Variants in SENP1 observed in about 807,000 individuals in gnomAD.
SENP1 encodes the protein sentrin-specific protease 1.
A neutral mutation model predicts 93.0 loss-of-function variants in SENP1; 21 were observed. The ratio of observed to expected loss-of-function variants is 0.23; its 90% CI spans 0.16 to 0.33. The LOEUF is 0.33. Among genes scored for constraint, SENP1 ranks in the 10% least tolerant of loss-of-function variants. SENP1 has a pLI of 1.00. For missense variants in SENP1, 591 were observed against 758.7 expected (o/e 0.78, Z 2.60); for synonymous variants, 256 against 259.6 (o/e 0.99, Z 0.13).
chr12:48,102,024 C>T (rs1283597432), intron 1 of SENP1, among the ~76,000 whole-genome samples: 1 of 152,140 alleles, frequency 6.6e-6, no homozygotes. Context: ...AAAGTACTTC[C>T]CCCAACATCA....
chr12:48,063,826 T>C lies in SENP1; in HGVS notation c.1291A>G (p.Ile431Val). The C allele has an allele frequency of 1.2e-6, 2 of 1,611,186 alleles. No individual in the cohort carries two copies. The highest frequency in any genetic ancestry group is 1.7e-6 in the Non-Finnish European group (2 of 1,179,050). The change falls in exon 13 of 18, where the codon ATA (isoleucine) becomes GTA (valine). Residue 431 changes from isoleucine (I) to valine (V), a missense_variant. Coordinates refer to ENST00000549518, the MANE Select transcript of SENP1 (RefSeq NM_001267594.2). ...TTCCCATTACGAAATACATTCTTTA[T>C]TTCTTTCTCCATTTCCTAAGAAAAC... ...PEITEEMEKE[I>V]KNVFRNGNQD... is the part of the protein sequence containing the mutation.
At chr12:48,086,121 A>C (rs1013130501) in intron 5 of SENP1, among the ~76,000 whole-genome samples, 1 of 152,246 alleles carries the variant, frequency 6.6e-6, no homozygotes, top group African/African-American at 2.4e-5. Context: ...TACTGAATCC[A>C]TAATGACACT....
intron 1 of SENP1, chr12:48,105,137 T>C (rs772149261): frequency 9.8e-5 from 24 of 245,680 alleles, no homozygotes; most frequent in Admixed American, 3.3e-4. Context: ...AGTCAAATAG[T>C]TGGTAGTAGA....
At chr12:48,069,353 A>C (rs1487232091) in intron 9 of SENP1, among the ~76,000 whole-genome samples, 1 of 152,164 alleles carries the variant, frequency 6.6e-6, no homozygotes, top group Non-Finnish European at 1.5e-5. Context: ...GCAGTAGTGG[A>C]GAATTAAGAG....
chr12:48,053,790 C>T (rs1942004228), intron 13 of SENP1, among the ~76,000 whole-genome samples: 1 of 152,176 alleles, frequency 6.6e-6, no homozygotes, highest in Non-Finnish European at 1.5e-5. Flanking sequence ...CACCATCGTC[C>T]TGTCCCCCAT....
rs58228829 is a variant in SENP1, at chr12:48,104,234, TAGAGAG to T, written c.-45+1788_-45+1793del. Among the ~76,000 whole-genome samples the T allele has an allele frequency of 1.4e-3, 91 of 66,338 alleles. 2 individuals carry two copies. Among genetic ancestry groups the T allele is most frequent in the African/African-American group, 4.8e-3 (66 of 13,636 alleles). 43.5% of individuals were successfully genotyped at this position (66,338 alleles called of 152,430 possible). On this transcript the variant is annotated intron_variant, in intron 1 of 17. Transcript: ENST00000549518. ...TAAAAAAAGAAGAAAAAAATATATA[TAGAGAG>T]AGAGAGAGAGAGAGACGGGGGGGGG... is the stretch of plus-strand genomic sequence containing the variant.
intron 13 of SENP1, among the ~76,000 whole-genome samples, chr12:48,050,096 T>G (rs1025386773): frequency 2.6e-5 from 4 of 152,232 alleles, no homozygotes; most frequent in Non-Finnish European, 4.4e-5. Flanking sequence ...CGGAAGTTAC[T>G]GCATACTTAC....
intron 5 of SENP1, chr12:48,085,517 T>C: frequency 1.9e-6 from 1 of 532,354 alleles, no homozygotes; most frequent in Non-Finnish European, 3.3e-6. Context: ...ATTTTGAGCC[T>C]CTAATTTCCA....
intron 13 of SENP1, among the ~76,000 whole-genome samples, chr12:48,059,114 T>C (rs1942789035): frequency 6.6e-6 from 1 of 152,216 alleles, no homozygotes; most frequent in Non-Finnish European, 1.5e-5. Flanking sequence ...ACTTGGGGTA[T>C]GGATAACTTC....
rs1368651639 is a variant in SENP1 at position 48,074,729 on chromosome 12, A to C, written c.617T>G (p.Phe206Cys). The part of the protein sequence containing the change: ...QLLQMVTGKQ[F>C]TIAKPTTHFP... ...ATGTGTGGTGGGTTTGGCTATAGTA[A>C]ACTGTTTCCCTGTGACCATCTGTAG... The change falls in exon 7 of 18, where the codon TTT (phenylalanine) becomes TGT (cysteine). Residue 206 changes from phenylalanine (F) to cysteine (C), a missense_variant. Phe to Cys is a radical substitution (Grantham distance 205). Transcript: ENST00000549518. 1 of 1,613,718 alleles carries C rather than the reference A, an allele frequency of 6.2e-7. No homozygotes were observed.
At chr12:48,101,656 A>G (rs1433117723) in intron 1 of SENP1, 140 bp from the exon 2 acceptor site, 2 of 556,834 alleles carry the variant, frequency 3.6e-6, no homozygotes, top group Non-Finnish European at 6.2e-6. Flanking sequence ...AGTTGACTTG[A>G]TGGGAAAAGA....
intron 5 of SENP1, chr12:48,085,175 G>A (rs1944766423): frequency 4.1e-6 from 6 of 1,454,194 alleles, no homozygotes; most frequent in Non-Finnish European, 5.8e-6. Context: ...ATTTCCTGGT[G>A]GTGGAGAAGG....
chr12:48,093,094 A>G (rs569218526), intron 4 of SENP1, among the ~76,000 whole-genome samples: 1 of 152,322 alleles, frequency 6.6e-6, no homozygotes, highest in South Asian at 2.1e-4. Flanking sequence ...TTGGAATTTT[A>G]GAAAGATAAC....
chr12:48,066,120 C>CT (rs1943275411), intron 10 of SENP1, among the ~76,000 whole-genome samples: 1 of 151,996 alleles, frequency 6.6e-6, no homozygotes, highest in African/African-American at 2.4e-5. Context: ...ATAGTGAAAG[C>CT]GAAACTTCAG....
intron 8 of SENP1, among the ~76,000 whole-genome samples, chr12:48,073,532 C>A (rs1003859686): frequency 5.9e-5 from 9 of 151,924 alleles, no homozygotes; most frequent in African/African-American, 2.2e-4. Context: ...AAGTTGCATA[C>A]CTAAGTACAT....
At chr12:48,093,331 T>G (rs975944275) in intron 4 of SENP1, among the ~76,000 whole-genome samples, 18 of 144,538 alleles carry the variant, frequency 1.2e-4, no homozygotes, top group African/African-American at 4.4e-4. Flanking sequence ...TCGCCCAGGA[T>G]GGAGTGCAGT....
chr12:48,105,914 G>A, intron 1 of SENP1, 114 bp downstream of exon 1: 1 of 655,616 alleles, frequency 1.5e-6, no homozygotes, highest in East Asian at 2.7e-5. Context: ...CGGCCCCACA[G>A]TGCTCCCCGC....
intron 6 of SENP1, among the ~76,000 whole-genome samples, chr12:48,076,796 C>T (rs536884207): frequency 1.3e-5 from 2 of 152,128 alleles, no homozygotes; most frequent in East Asian, 3.9e-4. Flanking sequence ...GTGTGCGCCA[C>T]CACGCCCAGC....
chr12:48,099,330 A>G (rs1358097870), intron 2 of SENP1, among the ~76,000 whole-genome samples: 1 of 152,108 alleles, frequency 6.6e-6, no homozygotes, highest in Non-Finnish European at 1.5e-5. Context: ...CCTGTCTCAG[A>G]AAACAACAAC....
Sources: gnomAD v4.1 joint callset for allele counts (sites outside exome capture counted in the v4.1 genomes callset) on GRCh38, gnomAD v4.1.1 for gene constraint, MANE v1.5 for transcripts, NCBI Gene and HGNC (gene_info 2026-07-23, HGNC 2026-07-21) for gene names.